MUC3A: variants seen among roughly 807,000 people sequenced by gnomAD.
The protein encoded by MUC3A is mucin-3A.
MUC3A carries 109 observed loss-of-function variants against 109.0 expected under a neutral mutation model. That is an observed-to-expected ratio of 1.00 (90% CI 0.86 to 1.17). The LOEUF is 1.17. Ranked by LOEUF, MUC3A falls within the 50% of genes most tolerant of loss-of-function variation. The pLI is 0.00. For synonymous variants in MUC3A, 1,398 were observed against 981.4 expected (o/e 1.42, Z -7.93); for missense variants, 3,537 against 2,469.4 (o/e 1.43, Z -9.16).
At position 100,967,132 on chromosome 7, in the gene MUC3A, G is replaced by C. The variant is rs1306851461; in HGVS notation, c.9942G>C (p.Lys3314Asn). The change falls in exon 12 of 12, where the codon AAG becomes AAC. Residue 3314 changes from lysine (K) to asparagine (N), a missense_variant. Coordinates refer to ENST00000379458, the MANE Select transcript of MUC3A (RefSeq NM_005960.2). ...NVDTTMKVHI[K>N]RPEMTSSSV ...TGTGACTCTGACAGGTGCACATCAA[G>C]AGACCCGAGATGACCTCGTCCTCAG... is the stretch of plus-strand genomic sequence containing the variant. 1.3e-6 allele frequency: 2 copies of C among 1,598,538 alleles called. No individual in the cohort carries two copies. The highest frequency in any genetic ancestry group is 1.7e-6 in the Non-Finnish European group (2 of 1,179,808).
chr7:100,966,529 C>G lies in MUC3A; in HGVS notation c.9755C>G (p.Ser3252Cys). The G allele has an allele frequency of 7.4e-7, 1 of 1,349,596 alleles. No individual in the cohort carries two copies. Among genetic ancestry groups the G allele is most frequent in the East Asian group, 3.0e-5 (1 of 33,326 alleles). The allele number at this position is 1,349,596 out of a possible 1,614,324, so 83.6% of individuals were successfully genotyped here. A position where few individuals can be genotyped will look rare whatever the true frequency, so the allele number is the denominator to read the frequency against. ...LLALGVRAVR[S>C]GWWGGQRRGR... The stretch of plus-strand genomic sequence containing the variant: ...GCGCTGGGCGTCCGGGCGGTGCGCT[C>G]CGGATGGTGGGGCGGCCAGCGCCGA... Residue 3252 changes from serine to cysteine, a missense_variant, in exon 9 of 12, where the codon TCC becomes TGC. By Grantham distance (112) the Ser-to-Cys change is moderately radical. Transcript: ENST00000379458.
rs758121686 is a variant in MUC3A, at chr7:100,959,509, C to T, written c.7730C>T (p.Pro2577Leu). 7 of 1,436,136 alleles carry T rather than the reference C, an allele frequency of 4.9e-6. No individual in the cohort carries two copies. The highest frequency in any genetic ancestry group is 2.3e-5 in the Admixed American group (1 of 43,226). 89.0% of individuals were successfully genotyped at this position (1,436,136 alleles called of 1,614,324 possible). ...STSIVVIPET[P>L]TQTPPVLTSA... ...AGTATTGTTGTTATACCTGAAACCC[C>T]AACACAGACCCCTCCTGTACTGACG... The change falls in exon 2 of 12, where the codon CCA (proline) becomes CTA (leucine). Residue 2577 changes from proline to leucine, a missense_variant. Transcript: ENST00000379458.
intron 6 of MUC3A, 87 bp downstream of exon 6, chr7:100,964,930 G>T (rs1792471784): frequency 4.7e-6 from 7 of 1,489,396 alleles, no homozygotes; most frequent in Non-Finnish European, 5.4e-6. Context: ...GGGCTCAGGT[G>T]CCAGCCCTGT....
At chr7:100,964,347 A>G (rs1485394761) in intron 5 of MUC3A, 1 of 290,182 alleles carries the variant, frequency 3.4e-6, no homozygotes. Context: ...GTAGTCCCTG[A>G]TACTTGGGAG....
At chr7:100,963,656 G>A (rs891196544) in intron 4 of MUC3A, 32 bp from the exon 5 acceptor site, 78 of 1,598,234 alleles carry the variant, frequency 4.9e-5, no homozygotes, top group South Asian at 6.6e-5. Context: ...CTGCAGGTTC[G>A]GACGTGAGCC....
Position 100,960,518 on chromosome 7 carries a change from C to T in MUC3A, c.8739C>T (p.Ser2913=), listed in dbSNP as rs1475514449. 6.3e-7 allele frequency: 1 copy of T among 1,598,712 alleles called. No individual in the cohort carries two copies. Among genetic ancestry groups the T allele is most frequent in the Admixed American group, 1.7e-5 (1 of 60,032 alleles). Residue 2913 remains serine (S), a synonymous_variant, in exon 2 of 12, where the codon TCC becomes TCT. Coordinates refer to ENST00000379458, the MANE Select transcript of MUC3A (RefSeq NM_005960.2). ...LRTSSKSTHP[S]PPTTRTSETP... ...CTTCAAGCAAGTCAACACACCCCTC[C>T]CCACCCACCACTAGGACTTCAGAGA...
rs754298780 is a variant in MUC3A at position 100,959,793 on chromosome 7, G to A, written c.8014G>A (p.Ala2672Thr). 1 of 1,594,934 alleles carries A rather than the reference G, an allele frequency of 6.3e-7. No homozygotes were observed. The highest frequency in any genetic ancestry group is 8.5e-7 in the Non-Finnish European group (1 of 1,177,988). The change falls in exon 2 of 12, where the codon GCA becomes ACA. Residue 2672 changes from alanine to threonine, a missense_variant. By Grantham distance (58) the Ala-to-Thr change is moderately conservative. Coordinates refer to ENST00000379458, the MANE Select transcript of MUC3A (RefSeq NM_005960.2). ...SFTRGSTSTN[A>T]ILTSFSTIIW... The stretch of plus-strand genomic sequence containing the variant: ...CACTAGGGGAAGTACGTCTACAAAT[G>A]CAATCTTGACTTCTTTTAGTACCAT...
rs1386195097 is a variant in MUC3A, at chr7:100,957,139, C to A, written c.5360C>A (p.Thr1787Asn). 19 of 463,898 alleles carry A rather than the reference C, an allele frequency of 4.1e-5. No homozygotes were observed. Among genetic ancestry groups the A allele is most frequent in the Non-Finnish European group, 6.8e-5 (18 of 265,394 alleles). 28.7% of individuals were successfully genotyped at this position (463,898 alleles called of 1,614,324 possible). A position where few individuals can be genotyped will look rare whatever the true frequency, so the allele number is the denominator to read the frequency against. Reference sequence around the variant, plus strand: ...ACCACCCCTCTAGGGCCCACAGCCACTAATACGTTACCATCATTTACCAGT... The same window carrying A: ...ACCACCCCTCTAGGGCCCACAGCCAATAATACGTTACCATCATTTACCAGT... ...TTTTPLGPTA[T>N]NTLPSFTSSV... The change falls in exon 2 of 12, where the codon ACT becomes AAT. Residue 1787 changes from threonine (T) to asparagine (N), a missense_variant. Thr to Asn is a moderately conservative substitution (Grantham distance 65, BLOSUM62 0). Transcript: ENST00000379458.
At position 100,953,799 on chromosome 7, in the gene MUC3A, C is replaced by G; in HGVS notation, c.2020C>G (p.Pro674Ala). ...TSMPLSSTPVPSTEVVTSGTI... is the reference protein window; with the variant it reads ...TSMPLSSTPVASTEVVTSGTI... The stretch of plus-strand genomic sequence containing the variant: ...TATGCCTCTGTCTTCTACACCTGTC[C>G]CAAGCACAGAAGTAGTCACCAGTGG... Residue 674 changes from proline to alanine, a missense_variant, in exon 2 of 12, where the codon CCA becomes GCA. Physicochemically the swap from Pro to Ala is conservative, Grantham distance 27. Coordinates refer to ENST00000379458, the MANE Select transcript of MUC3A (RefSeq NM_005960.2). The G allele has an allele frequency of 2.3e-6, 1 of 437,678 alleles. No individual in the cohort carries two copies. The highest frequency in any genetic ancestry group is 4.0e-6 in the Non-Finnish European group (1 of 250,678). The allele number at this position is 437,678 out of a possible 1,614,324, so 27.1% of individuals were successfully genotyped here. A position where few individuals can be genotyped will look rare whatever the true frequency, so the allele number is the denominator to read the frequency against.
At chr7:100,963,893 AT>A in intron 5 of MUC3A, 141 bp downstream of exon 5, 1 of 1,241,628 alleles carries the variant, frequency 8.1e-7, no homozygotes. Flanking sequence ...CTCCCTGGGT[AT>A]TTTTTCGGAT....
Position 100,957,367 on chromosome 7 carries a change from C to G in MUC3A, c.5588C>G (p.Thr1863Arg). The change falls in exon 2 of 12, where the codon ACA (threonine) becomes AGA (arginine). Residue 1863 changes from threonine (T) to arginine (R), a missense_variant. Thr to Arg is a moderately conservative substitution (Grantham distance 71). Transcript: ENST00000379458. ...TTRTTYSTNM[T>R]GTLSTVTSLR... ...AGAACCACCTATTCCACCAATATGA[C>G]AGGTACATTGTCCACTGTGACCTCT... 1 of 663,052 alleles carries G rather than the reference C, an allele frequency of 1.5e-6. No homozygotes were observed. Among genetic ancestry groups the G allele is most frequent in the South Asian group, 1.9e-5 (1 of 52,820 alleles). 41.1% of individuals were successfully genotyped at this position (663,052 alleles called of 1,614,324 possible). A position where few individuals can be genotyped will look rare whatever the true frequency, so the allele number is the denominator to read the frequency against.
In MUC3A at chr7:100,959,343, C is replaced by G. The variant is rs772846878; in HGVS notation, c.7564C>G (p.Arg2522Gly). ...CACTGATATCAGTACCTTACCAACT[C>G]GAACACACATCATTTCATCTTCTCC... is the stretch of plus-strand genomic sequence containing the variant. ...IPTDISTLPT[R>G]THIISSSPSI... The change falls in exon 2 of 12, where the codon CGA becomes GGA. Residue 2522 changes from arginine to glycine, a missense_variant. Transcript: ENST00000379458. 22 of 1,547,930 alleles carry G rather than the reference C, an allele frequency of 1.4e-5. No individual in the cohort carries two copies. In the East Asian group the frequency reaches 1.8e-4, roughly 13 times the overall value.
At chr7:100,963,339 G>A (rs1792405941) in intron 4 of MUC3A, 73 bp downstream of exon 4, 1 of 1,195,014 alleles carries the variant, frequency 8.4e-7, no homozygotes, top group Non-Finnish European at 1.2e-6. Flanking sequence ...TGGCTGGAGT[G>A]CAATGGTGCG....
chr7:100,952,420 C>A lies in MUC3A; in HGVS notation c.641C>A (p.Thr214Asn), dbSNP rs754858120. 41 of 1,598,470 alleles carry A rather than the reference C, an allele frequency of 2.6e-5. No individual in the cohort carries two copies. The highest frequency in any genetic ancestry group is 6.6e-5 in the South Asian group (6 of 91,092). The change falls in exon 2 of 12, where the codon ACC (threonine) becomes AAC (asparagine). Residue 214 changes from threonine to asparagine, a missense_variant. Physicochemically the swap from Thr to Asn is moderately conservative, Grantham distance 65. Coordinates refer to ENST00000379458, the MANE Select transcript of MUC3A (RefSeq NM_005960.2). ...TPSSVSATDT[T>N]FHTTISSTTR... ...TCCTCTGTGTCAGCCACAGACACAA[C>A]CTTCCACACTACAATCTCGTCTACA...
chr7:100,963,060 C>T, intron 3 of MUC3A, 91 bp from the exon 4 acceptor site: 2 of 1,419,628 alleles, frequency 1.4e-6, no homozygotes, highest in Non-Finnish European at 1.9e-6. Flanking sequence ...AGGGGAGCAG[C>T]AGGAGGAGCC....
rs780867681 is a variant in MUC3A, at chr7:100,960,037, C to A, written c.8258C>A (p.Thr2753Asn). ...STSSSLTTAL[T>N]EITPFSYISL... Reference sequence around the variant, plus strand: ...AGCTCCTCTCTGACCACAGCTCTCACTGAAATAACCCCCTTTTCTTATATT... The same window carrying A: ...AGCTCCTCTCTGACCACAGCTCTCAATGAAATAACCCCCTTTTCTTATATT... Residue 2753 changes from threonine to asparagine, a missense_variant, in exon 2 of 12, where the codon ACT becomes AAT. Thr to Asn is a moderately conservative substitution (Grantham distance 65, BLOSUM62 0). Coordinates refer to ENST00000379458, the MANE Select transcript of MUC3A (RefSeq NM_005960.2). 3 of 1,509,424 alleles carry A rather than the reference C, an allele frequency of 2.0e-6. No homozygotes were observed. Among genetic ancestry groups the A allele is most frequent in the Non-Finnish European group, 2.6e-6 (3 of 1,140,330 alleles). 93.5% of individuals were successfully genotyped at this position (1,509,424 alleles called of 1,614,324 possible).
chr7:100,966,275 C>A, intron 8 of MUC3A, 111 bp from the exon 9 acceptor site: 2 of 945,560 alleles, frequency 2.1e-6, no homozygotes, highest in Non-Finnish European at 2.5e-6. Context: ...TGGAACCCCC[C>A]GCTGCCCTAG....
chr7:100,952,312 C>T lies in MUC3A; in HGVS notation c.533C>T (p.Thr178Ile), dbSNP rs1418629706. The T allele has an allele frequency of 3.8e-6, 6 of 1,598,518 alleles. No individual in the cohort carries two copies. The African/African-American group carries it at 6.7e-5, about 18-fold the overall frequency. ...TTVTSTYSMT[T>I]TEKGTSAMTS... Reference sequence around the variant, plus strand: ...GTCACCAGTACTTACTCTATGACCACTACTGAGAAAGGAACGTCAGCCATG... The same window carrying T: ...GTCACCAGTACTTACTCTATGACCATTACTGAGAAAGGAACGTCAGCCATG... Residue 178 changes from threonine (T) to isoleucine (I), a missense_variant, in exon 2 of 12, where the codon ACT (threonine) becomes ATT (isoleucine). By Grantham distance (89) the Thr-to-Ile change is moderately conservative. Transcript: ENST00000379458.
In MUC3A at chr7:100,952,051, T is replaced by C. The variant is rs762809402; in HGVS notation, c.272T>C (p.Leu91Ser). The C allele has an allele frequency of 1.8e-5, 29 of 1,598,502 alleles. No homozygotes were observed. In the East Asian group the frequency reaches 5.8e-4, roughly 32 times the overall value. Residue 91 changes from leucine (L) to serine (S), a missense_variant, in exon 2 of 12, where the codon TTG (leucine) becomes TCG (serine). Coordinates refer to ENST00000379458, the MANE Select transcript of MUC3A (RefSeq NM_005960.2). ...SPHDTLISETLLNSPVSSNTS... is the reference protein window; with the variant it reads ...SPHDTLISETSLNSPVSSNTS... The stretch of plus-strand genomic sequence containing the variant: ...CATGACACACTCATCTCTGAAACAT[T>C]GCTCAACTCTCCAGTCAGTTCCAAC...
Sources: gnomAD v4.1 joint callset for allele counts on GRCh38, gnomAD v4.1.1 for gene constraint, MANE v1.5 for transcripts, NCBI Gene and HGNC (gene_info 2026-07-23, HGNC 2026-07-21) for gene names.